The following DTX2 variants were observed in gnomAD, a reference collection of about 807,000 sequenced individuals.
DTX2 encodes the protein probable E3 ubiquitin-protein ligase DTX2.
In DTX2, 29 loss-of-function variants were observed where a neutral mutation model predicts 55.3. The ratio of observed to expected loss-of-function variants is 0.52; its 90% CI spans 0.39 to 0.71. The LOEUF (loss-of-function observed/expected upper bound fraction) is 0.71, where lower values mean the gene tolerates loss of function less well. Among genes scored for constraint, DTX2 ranks in the 30% least tolerant of loss-of-function variants. The pLI, the probability that DTX2 is intolerant of heterozygous loss-of-function variation, is 0.00. For synonymous variants in DTX2, 276 were observed against 340.4 expected (o/e 0.81, Z 2.08); for missense variants, 537 against 822.5 (o/e 0.65, Z 4.25).
intron 2 of DTX2, among the ~76,000 whole-genome samples, chr7:76,467,165 C>T (rs1807275031): frequency 6.6e-6 from 1 of 151,248 alleles, no homozygotes; most frequent in Non-Finnish European, 1.5e-5. Flanking sequence ...TCCCAAAGTG[C>T]TGGGATGATA....
chr7:76,487,042 C>G (rs1810005543), intron 4 of DTX2, among the ~76,000 whole-genome samples: 1 of 92,312 alleles, frequency 1.1e-5, no homozygotes, highest in Non-Finnish European at 2.1e-5. Flanking sequence ...TCTTTCTTTT[C>G]TTTTTCTTTG....
intron 2 of DTX2, among the ~76,000 whole-genome samples, chr7:76,474,414 GTCTGGAAACCC>G (rs1563726910): frequency 7.7e-4 from 117 of 152,074 alleles, no homozygotes; most frequent in African/African-American, 2.7e-3. Context: ...GCTTGTAAAA[GTCTGGAAACCC>G]ATTCTAACTG....
chr7:76,477,008 G>A (rs1009239148), intron 2 of DTX2: 1 of 152,020 alleles, frequency 6.6e-6, no homozygotes, highest in Non-Finnish European at 1.5e-5. Context: ...GACATACCCC[G>A]TGTGCCGATG....
chr7:76,502,137 A>G (rs528623097), intron 7 of DTX2, 161 bp from the exon 8 acceptor site: 41 of 626,072 alleles, frequency 6.5e-5, no homozygotes, highest in Admixed American at 2.9e-4. Context: ...TCGGCCTCCT[A>G]GAGTGCTGGG....
chr7:76,488,747 T>A (rs1470530721), intron 4 of DTX2, among the ~76,000 whole-genome samples: 3 of 80,650 alleles, frequency 3.7e-5, no homozygotes, highest in East Asian at 3.3e-4. Flanking sequence ...AATATAAAAA[T>A]TAGCCAGGCG....
chr7:76,480,873 G>A, intron 3 of DTX2, 96 bp downstream of exon 3: 1 of 1,387,220 alleles, frequency 7.2e-7, no homozygotes, highest in South Asian at 1.5e-5. Context: ...GTGACTTACA[G>A]AGCTTCTGCT....
intron 4 of DTX2, among the ~76,000 whole-genome samples, chr7:76,490,396 G>T: frequency 1.1e-5 from 1 of 90,798 alleles, no homozygotes. Context: ...TTTCTTTCTT[G>T]ATTTTTCACC....
chr7:76,498,925 G>A (rs1811286394), intron 6 of DTX2, among the ~76,000 whole-genome samples: 1 of 67,692 alleles, frequency 1.5e-5, no homozygotes, highest in Non-Finnish European at 2.8e-5. Flanking sequence ...GAGTGTGTGT[G>A]GAGGTGTGGG....
At chr7:76,469,453 CATA>C in intron 2 of DTX2, among the ~76,000 whole-genome samples, 1 of 131,152 alleles carries the variant, frequency 7.6e-6, no homozygotes, top group Non-Finnish European at 1.5e-5. Flanking sequence ...AGTGCAGTGG[CATA>C]ATCTTGGCTC....
intron 2 of DTX2, among the ~76,000 whole-genome samples, chr7:76,473,897 C>T (rs1191269366): frequency 1.5e-5 from 2 of 129,418 alleles, no homozygotes; most frequent in Admixed American, 8.2e-5. Flanking sequence ...TCAAAAACAA[C>T]GTCCCACATT....
intron 8 of DTX2, chr7:76,503,021 T>C (rs1304131772): frequency 1.7e-5 from 4 of 240,872 alleles, no homozygotes; most frequent in Non-Finnish European, 3.2e-5. Flanking sequence ...GTTTAGAGGC[T>C]TAGAGAACCG....
At position 76,500,688 on chromosome 7, in the gene DTX2, C is replaced by G. The variant is rs564613301; in HGVS notation, c.1230+168C>G. ...TCTCCCAGCCTCCCGAGACCCACAT[C>G]GTTATGGTCTGAGCTTTGCACTTAA... On this transcript the variant is annotated intron_variant, in intron 7 of 10. Coordinates refer to ENST00000430490, the MANE Select transcript of DTX2 (RefSeq NM_001102594.3). 2.3e-4 allele frequency among the ~76,000 whole-genome samples: 35 copies of G among 151,836 alleles called. No individual in the cohort carries two copies. The South Asian group carries it at 7.1e-3, about 31-fold the overall frequency.
rs778181397 is a variant in DTX2, at chr7:76,502,494, C to T, written c.1389+38C>T. ...GCCCAGGGCGGAGGCGGGTGGCCCG[C>T]CCCCACAGTCCTGAGCTGTCCCCTG... On this transcript the variant is annotated intron_variant, in intron 8 of 10. Transcript: ENST00000430490. 1.9e-5 allele frequency: 31 copies of T among 1,601,334 alleles called. No individual in the cohort carries two copies. The South Asian group carries it at 2.6e-4, about 13-fold the overall frequency.
chr7:76,471,451 G>A lies in DTX2; in HGVS notation c.-90+7742G>A, dbSNP rs555428734. 2.3e-3 allele frequency among the ~76,000 whole-genome samples: 344 copies of A among 150,394 alleles called. 1 individual carries two copies. The highest frequency in any genetic ancestry group is 4.1e-3 in the Non-Finnish European group (275 of 67,518). On this transcript the variant is annotated intron_variant, in intron 2 of 10. Coordinates refer to ENST00000430490, the MANE Select transcript of DTX2 (RefSeq NM_001102594.3). The stretch of plus-strand genomic sequence containing the variant: ...GCTGGGATTACAGGTGTGAGCCACC[G>A]CGCCCAGCCTGGTTTCCATTCATTC...
Position 76,482,851 on chromosome 7 carries a change from C to A in DTX2, c.612C>A (p.Gly204=). The A allele has an allele frequency of 3.1e-6, 5 of 1,613,754 alleles. No homozygotes were observed. Among genetic ancestry groups the A allele is most frequent in the Non-Finnish European group, 4.2e-6 (5 of 1,179,702 alleles). The change falls in exon 4 of 11, where the codon GGC becomes GGA. Residue 204 remains glycine, a synonymous_variant. Coordinates refer to ENST00000430490, the MANE Select transcript of DTX2 (RefSeq NM_001102594.3). ...GCTCTTGCCACCAGTGCCTCAGTGG[C>A]AGCAGAACTGGCCCCGTGTCAGGCC... ...VACSCHQCLS[G]SRTGPVSGRY...
rs766439166 is a variant in DTX2, at chr7:76,502,374, C to T, written c.1307C>T (p.Ser436Phe). 14 of 1,612,624 alleles carry T rather than the reference C, an allele frequency of 8.7e-6. No homozygotes were observed. The highest frequency in any genetic ancestry group is 1.1e-5 in the Non-Finnish European group (13 of 1,179,910). ...GTGACTGACAGCAAGGCAATCGGGTCCCTAGCTGTGGGCCACCTCACCAAG... is the reference window on the plus strand; with the variant it reads ...GTGACTGACAGCAAGGCAATCGGGTTCCTAGCTGTGGGCCACCTCACCAAG... The part of the protein sequence containing the change: ...SDVTDSKAIG[S>F]LAVGHLTKCS... The change falls in exon 8 of 11, where the codon TCC (serine) becomes TTC (phenylalanine). Residue 436 changes from serine (S) to phenylalanine (F), a missense_variant. Ser to Phe is a radical substitution (Grantham distance 155). Transcript: ENST00000430490.
At chr7:76,481,138 G>A (rs893653767) in intron 3 of DTX2, among the ~76,000 whole-genome samples, 11 of 152,300 alleles carry the variant, frequency 7.2e-5, no homozygotes, top group South Asian at 4.1e-4. Flanking sequence ...AGGCAACTGC[G>A]CCCCTCTGCA....
rs533482968 is a variant in DTX2 at position 76,464,304 on chromosome 7, CT to C, written c.-90+596del. On this transcript the variant is annotated intron_variant, in intron 2 of 10. Transcript: ENST00000430490. The stretch of plus-strand genomic sequence containing the variant: ...AAGCTACCGGGACACAGCTGGGCTA[CT>C]GTAAGTAGCTTAGTATGTAATAGAG... Among the ~76,000 whole-genome samples, 7 of 150,498 alleles carry C rather than the reference CT, an allele frequency of 4.7e-5. No individual in the cohort carries two copies. The South Asian group carries it at 1.5e-3, about 32-fold the overall frequency.
intron 9 of DTX2, 141 bp downstream of exon 9, chr7:76,503,728 A>G (rs1812005195): frequency 1.0e-6 from 1 of 968,276 alleles, no homozygotes; most frequent in South Asian, 1.9e-5. Context: ...GGCCAGAGCC[A>G]TGGAGGGCCG....
Sources: gnomAD v4.1 joint callset for allele counts (sites outside exome capture counted in the v4.1 genomes callset) on GRCh38, gnomAD v4.1.1 for gene constraint, MANE v1.5 for transcripts, NCBI Gene and HGNC (gene_info 2026-07-23, HGNC 2026-07-21) for gene names.